The following NAA38 variants were observed in gnomAD, a reference collection of about 807,000 sequenced individuals.
The protein encoded by NAA38 is LSM domain containing 1.
NAA38 carries 15 observed loss-of-function variants against 12.6 expected under a neutral mutation model. The ratio of observed to expected loss-of-function variants is 1.19; its 90% confidence interval spans 0.79 to 1.83. The LOEUF is 1.83. NAA38 is among the 40% of genes most tolerant of loss of function. NAA38 has a pLI of 0.00. For synonymous variants in NAA38, 88 were observed against 69.9 expected, an observed-to-expected ratio of 1.26 and a Z score of -1.29; for missense variants, 183 against 171.7, an observed-to-expected ratio of 1.07 and a Z score of -0.37.
At chr17:7,864,997 G>A (rs1374307398) in intron 3 of NAA38, 1 of 152,056 alleles carries the variant, frequency 6.6e-6, no homozygotes, top group Non-Finnish European at 1.5e-5. Flanking sequence ...AAAAGTTTCC[G>A]ATTTAGGAGC....
chr17:7,879,959 C>CA (rs1477670694), intron 2 of NAA38, among the ~76,000 whole-genome samples: 8 of 151,604 alleles, frequency 5.3e-5, no homozygotes, highest in Non-Finnish European at 1.2e-4. Context: ...GATTGACTGA[C>CA]AGAGAAGGCA....
intron 2 of NAA38, among the ~76,000 whole-genome samples, chr17:7,869,282 AT>A (rs1967043175): frequency 2.0e-5 from 3 of 152,212 alleles, no homozygotes. Flanking sequence ...GGTCATAGTT[AT>A]TAAGTGGCAG....
upstream of NAA38, chr17:7,858,917 G>C: frequency 1.7e-6 from 2 of 1,177,774 alleles, no homozygotes; most frequent in African/African-American, 3.1e-5. Flanking sequence ...TTCCATAACC[G>C]GTGGGAGTGT....
intron 1 of NAA38, chr17:7,884,695 CGAGGAGGAGGAGGAG>C (rs1273939480): frequency 4.9e-5 from 13 of 267,718 alleles, no homozygotes; most frequent in South Asian, 1.1e-4. Flanking sequence ...ACGCCGCCGC[CGAGGAGGAGGAGGAG>C]GAGGAGGAGG....
At chr17:7,866,243 A>C (rs545602050) in intron 3 of NAA38, among the ~76,000 whole-genome samples, 352 of 143,178 alleles carry the variant, frequency 2.5e-3, no homozygotes, top group African/African-American at 5.9e-3. Flanking sequence ...CCCGCCACCA[A>C]GCCCGGCTAA....
rs571010035 is a variant in NAA38 at position 7,857,277 on chromosome 17, G to A, written c.82-79C>T. On this transcript the variant is annotated intron_variant, in intron 1 of 2. Transcript: ENST00000575771. ...GGAACCACAGCTCCCGGCAGCCCGC[G>A]GGGCACTCACACAAAGCCCAGAGGC... 1.2e-5 allele frequency: 20 copies of A among 1,610,068 alleles called. No homozygotes were observed. In the East Asian group the frequency reaches 4.3e-4, roughly 34 times the overall value.
chr17:7,879,162 T>C (rs1367398831), intron 2 of NAA38, among the ~76,000 whole-genome samples: 1 of 152,200 alleles, frequency 6.6e-6, no homozygotes, highest in East Asian at 1.9e-4. Flanking sequence ...ATCTCTAAAA[T>C]ACTATGATTA....
At chr17:7,873,166 C>T (rs1401426461) in intron 2 of NAA38, among the ~76,000 whole-genome samples, 4 of 152,100 alleles carry the variant, frequency 2.6e-5, no homozygotes, top group African/African-American at 9.7e-5. Context: ...AAGTGGAAGC[C>T]GCATATGAAC....
chr17:7,878,476 C>G (rs978024802), intron 2 of NAA38, among the ~76,000 whole-genome samples: 1 of 152,066 alleles, frequency 6.6e-6, no homozygotes, highest in Non-Finnish European at 1.5e-5. Flanking sequence ...AATCTCAGCA[C>G]TGTGGGAGGC....
At chr17:7,858,201 G>T (rs1390704520), upstream of NAA38, 1 of 1,613,986 alleles carries the variant, frequency 6.2e-7, no homozygotes, top group Non-Finnish European at 8.5e-7. Context: ...TTTCACGCCG[G>T]CGGAGGTGGC....
intron 1 of NAA38, chr17:7,884,736 TGGTGGTGGTAGCGGTGGGGGAGGCGGGCG>T: frequency 1.1e-5 from 1 of 88,280 alleles, no homozygotes; most frequent in Non-Finnish European, 1.9e-5. Context: ...GAGGAGGAGG[TGGTGGTGGTAGCGGTGGGGGAGGCGGGCG>T]GGCGGTGGGT....
chr17:7,858,444 G>A (rs1465861305), upstream of NAA38: 12 of 1,614,084 alleles, frequency 7.4e-6, no homozygotes, highest in Non-Finnish European at 1.0e-5. Context: ...TGCAGGCCAG[G>A]ATATCAGCCA....
At chr17:7,858,772 C>T, upstream of NAA38, 1 of 1,585,654 alleles carries the variant, frequency 6.3e-7, no homozygotes, top group Non-Finnish European at 8.6e-7. Context: ...TCTGCCAAGA[C>T]CCGGAGCATC....
At chr17:7,858,513 A>G, upstream of NAA38, 4 of 1,614,060 alleles carry the variant, frequency 2.5e-6, no homozygotes, top group Non-Finnish European at 3.4e-6. Context: ...TTGTGGGTAG[A>G]GGAAATGGAG....
At chr17:7,883,756 T>C (rs1967370529) in intron 1 of NAA38, among the ~76,000 whole-genome samples, 3 of 151,848 alleles carry the variant, frequency 2.0e-5, no homozygotes. Flanking sequence ...TATATAAACA[T>C]ATATTTCATC....
At chr17:7,875,429 G>A (rs2151391641) in intron 2 of NAA38, among the ~76,000 whole-genome samples, 1 of 152,152 alleles carries the variant, frequency 6.6e-6, no homozygotes, top group African/African-American at 2.4e-5. Flanking sequence ...TCCAGCTCCT[G>A]GGCTGAGCTC....
intron 3 of NAA38, chr17:7,863,356 G>A (rs1269579788): frequency 2.0e-5 from 3 of 152,032 alleles, no homozygotes; most frequent in Admixed American, 6.6e-5. Context: ...GGTGAAGGAT[G>A]GAATGCTGAA....
At chr17:7,885,325 G>C (rs1421661391), upstream of NAA38, 154 of 172,346 alleles carry the variant, frequency 8.9e-4, no homozygotes, top group Non-Finnish European at 1.4e-3. Context: ...CGCCGCCGCC[G>C]CCGCCGCCGC....
chr17:7,867,600 G>C (rs1336634753), intron 2 of NAA38, among the ~76,000 whole-genome samples: 3 of 152,206 alleles, frequency 2.0e-5, no homozygotes, highest in Non-Finnish European at 4.4e-5. Flanking sequence ...CCACAGTGCT[G>C]GGATTACAGG....
Sources: gnomAD v4.1 joint callset for allele counts (sites outside exome capture counted in the v4.1 genomes callset) on GRCh38, gnomAD v4.1.1 for gene constraint, MANE v1.5 for transcripts, NCBI Gene and HGNC (gene_info 2026-07-23, HGNC 2026-07-21) for gene names.